CCDC60: variants seen among roughly 807,000 people sequenced by gnomAD.
CCDC60 encodes coiled-coil domain-containing protein 60.
CCDC60 carries 54 observed loss-of-function variants against 63.5 expected under a neutral mutation model. The observed-to-expected ratio is 0.85, with a 90% CI of 0.68 to 1.07. The LOEUF is 1.07. Among genes scored for constraint, CCDC60 ranks in the 50% least tolerant of loss-of-function variants. CCDC60 has a pLI of 0.00. For missense variants in CCDC60, 651 were observed against 684.3 expected (o/e 0.95, Z 0.54); for synonymous variants, 206 against 238.8 (o/e 0.86, Z 1.27).
intron 1 of CCDC60, among the ~76,000 whole-genome samples, chr12:119,384,959 T>C (rs1956045370): frequency 6.6e-6 from 1 of 152,266 alleles, no homozygotes; most frequent in Non-Finnish European, 1.5e-5. Flanking sequence ...TATCCAGCCC[T>C]TGCTTCACTG....
chr12:119,526,023 G>A (rs1348100724), intron 11 of CCDC60, among the ~76,000 whole-genome samples: 1 of 152,104 alleles, frequency 6.6e-6, no homozygotes, highest in African/African-American at 2.4e-5. Flanking sequence ...TATACTACAA[G>A]GTGACAGTGA....
intron 1 of CCDC60, among the ~76,000 whole-genome samples, chr12:119,357,436 A>G (rs1955729070): frequency 6.7e-6 from 1 of 150,138 alleles, no homozygotes; most frequent in Non-Finnish European, 1.5e-5. Context: ...CTATCATTCT[A>G]TTCTCTACTT....
chr12:119,398,477 G>C (rs1001955025), intron 1 of CCDC60, among the ~76,000 whole-genome samples: 3 of 152,190 alleles, frequency 2.0e-5, no homozygotes, highest in Non-Finnish European at 4.4e-5. Flanking sequence ...AGCCCTGAGA[G>C]GGGCTCCCAC....
At chr12:119,523,607 G>A in intron 10 of CCDC60, 86 bp from the exon 11 acceptor site, 2 of 1,580,112 alleles carry the variant, frequency 1.3e-6, no homozygotes, top group Non-Finnish European at 1.7e-6. Context: ...AGCACCTTGG[G>A]GCTAAGGGGG....
At chr12:119,530,633 C>A (rs1952814918) in intron 12 of CCDC60, among the ~76,000 whole-genome samples, 2 of 152,130 alleles carry the variant, frequency 1.3e-5, no homozygotes, top group Admixed American at 1.3e-4. Flanking sequence ...ACAAATACAT[C>A]CCTTGAAATC....
intron 1 of CCDC60, among the ~76,000 whole-genome samples, chr12:119,408,015 G>GT (rs934081762): frequency 3.3e-5 from 5 of 151,940 alleles, no homozygotes; most frequent in Non-Finnish European, 5.9e-5. Context: ...AAATAAAAAG[G>GT]TTTTTTTTAA....
intron 5 of CCDC60, among the ~76,000 whole-genome samples, chr12:119,499,063 T>G (rs1344096974): frequency 6.6e-6 from 1 of 152,244 alleles, no homozygotes; most frequent in African/African-American, 2.4e-5. Flanking sequence ...GCAGAAATAT[T>G]CATGTATTTG....
chr12:119,390,972 A>G (rs528837206), intron 1 of CCDC60, among the ~76,000 whole-genome samples: 2 of 152,372 alleles, frequency 1.3e-5, no homozygotes, highest in Admixed American at 6.5e-5. Context: ...CCACCTAGTC[A>G]GACCTCAGTA....
intron 2 of CCDC60, among the ~76,000 whole-genome samples, chr12:119,450,879 A>AGG (rs1950621803): frequency 6.7e-6 from 1 of 148,868 alleles, no homozygotes; most frequent in African/African-American, 2.5e-5. Flanking sequence ...AGAGAGAGAG[A>AGG]GAGAGAGATA....
At chr12:119,433,897 T>A (rs1727387) in intron 2 of CCDC60, among the ~76,000 whole-genome samples, 1 of 152,144 alleles carries the variant, frequency 6.6e-6, no homozygotes, top group East Asian at 1.9e-4. Context: ...ACAAACTTGG[T>A]GAATTTCTAG....
chr12:119,346,824 CTTTCTTTCTTTT>C (rs1350538698), intron 1 of CCDC60, among the ~76,000 whole-genome samples: 7 of 102,722 alleles, frequency 6.8e-5, no homozygotes, highest in African/African-American at 1.5e-4. Flanking sequence ...TTCTTTCTTT[CTTTCTTTCTTTT>C]TTTTTTGAGA....
intron 1 of CCDC60, among the ~76,000 whole-genome samples, chr12:119,353,442 A>ATCTC (rs560596317): frequency 1.4e-5 from 2 of 147,008 alleles, no homozygotes; most frequent in East Asian, 2.0e-4. Flanking sequence ...ATCTCTCAAA[A>ATCTC]TCTCTCTCTC....
intron 1 of CCDC60, among the ~76,000 whole-genome samples, chr12:119,344,053 A>C (rs966646719): frequency 1.3e-5 from 2 of 152,106 alleles, no homozygotes; most frequent in Non-Finnish European, 2.9e-5. Flanking sequence ...AATTGGAAAT[A>C]TCTAGTGTGT....
chr12:119,345,271 A>C (rs1955579390), intron 1 of CCDC60, among the ~76,000 whole-genome samples: 1 of 152,162 alleles, frequency 6.6e-6, no homozygotes, highest in Admixed American at 6.5e-5. Flanking sequence ...TGGGAAGCCA[A>C]AGCAGGCGGA....
intron 13 of CCDC60, among the ~76,000 whole-genome samples, chr12:119,531,490 G>A (rs764415406): frequency 1.2e-4 from 18 of 152,138 alleles, no homozygotes; most frequent in African/African-American, 2.2e-4. Flanking sequence ...GAGAAGCCCC[G>A]TATGTAAGTT....
At chr12:119,519,452 T>TAC (rs1491395802) in intron 8 of CCDC60, among the ~76,000 whole-genome samples, 18 of 85,980 alleles carry the variant, frequency 2.1e-4, no homozygotes, top group East Asian at 1.3e-3. Flanking sequence ...TGTGTGTGTG[T>TAC]ATATATATAT....
At chr12:119,434,451 G>A (rs1208240003) in intron 2 of CCDC60, among the ~76,000 whole-genome samples, 1 of 152,072 alleles carries the variant, frequency 6.6e-6, no homozygotes, top group Non-Finnish European at 1.5e-5. Flanking sequence ...TGTCTTTGAT[G>A]AATAAGAGAT....
At chr12:119,433,696 G>C in intron 2 of CCDC60, 1 of 659,544 alleles carries the variant, frequency 1.5e-6, no homozygotes, top group African/African-American at 1.8e-5. Context: ...TTGGAGACTA[G>C]CTCACCTTGA....
intron 2 of CCDC60, among the ~76,000 whole-genome samples, chr12:119,461,500 T>C (rs1019661729): frequency 6.6e-6 from 1 of 152,066 alleles, no homozygotes; most frequent in Non-Finnish European, 1.5e-5. Flanking sequence ...AGAATACTCC[T>C]ATTGCTGCAG....
Sources: gnomAD v4.1 joint callset for allele counts (sites outside exome capture counted in the v4.1 genomes callset) on GRCh38, gnomAD v4.1.1 for gene constraint, MANE v1.5 for transcripts, NCBI Gene and HGNC (gene_info 2026-07-23, HGNC 2026-07-21) for gene names.